Variants in TNRC6B observed in about 807,000 individuals in gnomAD.
TNRC6B encodes the protein trinucleotide repeat-containing gene 6B protein.
Under a neutral mutation model 203.6 loss-of-function variants are expected in TNRC6B, and 52 were observed. The observed-to-expected ratio is 0.26, with a 90% CI of 0.20 to 0.32. The LOEUF (loss-of-function observed/expected upper bound fraction) is 0.32, where lower values mean the gene tolerates loss of function less well. TNRC6B is among the 10% of genes least tolerant of loss of function. The pLI is 1.00. For missense variants in TNRC6B, 1,923 were observed against 2,286.2 expected, an observed-to-expected ratio of 0.84 and a Z score of 3.24; for synonymous variants, 838 against 845.7, an observed-to-expected ratio of 0.99 and a Z score of 0.16.
At chr22:40,066,728 G>T (rs60736392) in intron 1 of TNRC6B, among the ~76,000 whole-genome samples, 6,730 of 151,960 alleles carry the variant, frequency 0.044, 486 homozygotes, top group African/African-American at 0.15. Context: ...ATATTTGCTG[G>T]TATATATTAT....
chr22:40,233,064 C>T (rs184757206), intron 1 of TNRC6B, among the ~76,000 whole-genome samples: 1 of 152,136 alleles, frequency 6.6e-6, no homozygotes, highest in East Asian at 1.9e-4. Context: ...AGGAGAATCG[C>T]TTGCACCCAG....
At chr22:40,233,658 G>T (rs1017464670) in intron 1 of TNRC6B, among the ~76,000 whole-genome samples, 1 of 152,168 alleles carries the variant, frequency 6.6e-6, no homozygotes, top group African/African-American at 2.4e-5. Context: ...TTTGGTTTGA[G>T]TAATTCCAGA....
chr22:40,156,257 G>A (rs1399437660), intron 4 of TNRC6B: 31 of 1,399,712 alleles, frequency 2.2e-5, no homozygotes, highest in South Asian at 7.5e-5. Flanking sequence ...GCTGATAAGC[G>A]TGTTTGTCAG....
At chr22:40,184,611 T>C (rs2069177107) in intron 1 of TNRC6B, among the ~76,000 whole-genome samples, 1 of 152,208 alleles carries the variant, frequency 6.6e-6, no homozygotes, top group Non-Finnish European at 1.5e-5. Flanking sequence ...TTGTGGAAAC[T>C]GGCTGGGACA....
At chr22:40,110,712 AT>A (rs1324746349) in intron 1 of TNRC6B, among the ~76,000 whole-genome samples, 1 of 152,210 alleles carries the variant, frequency 6.6e-6, no homozygotes, top group Non-Finnish European at 1.5e-5. Context: ...TAAAAATCAG[AT>A]TAACATTCTT....
intron 3 of TNRC6B, among the ~76,000 whole-genome samples, chr22:40,151,536 TC>T (rs1664758929): frequency 1.9e-5 from 1 of 52,740 alleles, no homozygotes; most frequent in Non-Finnish European, 3.0e-5. Flanking sequence ...AGACTGCATC[TC>T]AAAAAAAAAA....
chr22:40,141,557 T>C (rs2068644862), intron 3 of TNRC6B, among the ~76,000 whole-genome samples: 1 of 151,990 alleles, frequency 6.6e-6, no homozygotes, highest in Non-Finnish European at 1.5e-5. Context: ...AGCCAATCCC[T>C]TTCCTCCTTC....
At chr22:40,182,602 G>A (rs1193372825) in intron 1 of TNRC6B, among the ~76,000 whole-genome samples, 2 of 152,158 alleles carry the variant, frequency 1.3e-5, no homozygotes, top group Non-Finnish European at 2.9e-5. Flanking sequence ...TAGGTGCTGG[G>A]GCATCTAAGA....
At chr22:40,062,782 TC>T (rs1569247449) in intron 1 of TNRC6B, among the ~76,000 whole-genome samples, 2 of 152,226 alleles carry the variant, frequency 1.3e-5, no homozygotes, top group Non-Finnish European at 2.9e-5. Flanking sequence ...TCTATTCAGA[TC>T]CTTTGCCCAT....
intron 1 of TNRC6B, among the ~76,000 whole-genome samples, chr22:40,203,044 A>C (rs973266289): frequency 6.6e-6 from 1 of 152,128 alleles, no homozygotes; most frequent in African/African-American, 2.4e-5. Context: ...TCAGCCTTGC[A>C]GGTTGCATTA....
At chr22:40,075,168 T>A (rs1362258322) in intron 1 of TNRC6B, among the ~76,000 whole-genome samples, 48 of 99,400 alleles carry the variant, frequency 4.8e-4, no homozygotes, top group African/African-American at 1.7e-3. Context: ...TTTTTTTTTT[T>A]TTTTTTTTTT....
intron 12 of TNRC6B, among the ~76,000 whole-genome samples, chr22:40,298,928 TG>T (rs912841489): frequency 2.0e-5 from 3 of 148,034 alleles, no homozygotes; most frequent in Non-Finnish European, 3.0e-5. Flanking sequence ...ATAGCGCCAC[TG>T]CACTCCAGCC....
At chr22:40,312,861 A>AC in intron 18 of TNRC6B, 41 bp from the exon 19 acceptor site, 1 of 1,564,722 alleles carries the variant, frequency 6.4e-7, no homozygotes, top group Middle Eastern at 1.7e-4. Context: ...TTATACTGAC[A>AC]TTTATCTTCA....
intron 1 of TNRC6B, among the ~76,000 whole-genome samples, chr22:40,114,934 T>C (rs2068373364): frequency 6.6e-6 from 1 of 152,222 alleles, no homozygotes; most frequent in Non-Finnish European, 1.5e-5. Flanking sequence ...GTTGATTTTA[T>C]AATTAATTTT....
At chr22:40,093,465 A>G (rs1349767253) in intron 1 of TNRC6B, among the ~76,000 whole-genome samples, 4 of 152,206 alleles carry the variant, frequency 2.6e-5, no homozygotes, top group African/African-American at 9.6e-5. Flanking sequence ...CAAGCAGGGT[A>G]AAGAAAGAGA....
Position 40,309,707 on chromosome 22 carries a change from T to C in TNRC6B, c.4258+1058T>C, listed in dbSNP as rs540720347. 4.6e-5 allele frequency among the ~76,000 whole-genome samples: 7 copies of C among 152,344 alleles called. No homozygotes were observed. The East Asian group carries it at 1.3e-3, about 29-fold the overall frequency. On this transcript the variant is annotated intron_variant, in intron 16 of 22. Coordinates refer to ENST00000454349, the MANE Select transcript of TNRC6B (RefSeq NM_001162501.2). ...AAATCTGAAATGGCATGTGAGAGGA[T>C]ATCTCAAAGGCAAAATCTCTACTTG... is the stretch of plus-strand genomic sequence containing the variant.
At chr22:40,067,785 A>T (rs2067908652) in intron 1 of TNRC6B, among the ~76,000 whole-genome samples, 1 of 152,084 alleles carries the variant, frequency 6.6e-6, no homozygotes, top group Non-Finnish European at 1.5e-5. Context: ...AGCCAATGGG[A>T]TAGTGCCTGC....
rs2071340976 is a variant in TNRC6B, at chr22:40,322,060, A to G, written c.5115-794A>G. 2.0e-5 allele frequency among the ~76,000 whole-genome samples: 3 copies of G among 152,226 alleles called. 1 individual carries two copies. The highest frequency in any genetic ancestry group is 1.5e-5 in the Non-Finnish European group (1 of 68,042). The stretch of plus-strand genomic sequence containing the variant: ...AAGCCAGGGATGAGGGGGCTCAGGC[A>G]GCGAGGAGCCCCTGAGAAAGAGCAG... On this transcript the variant is annotated intron_variant, in intron 22 of 22. Transcript: ENST00000454349.
intron 1 of TNRC6B, among the ~76,000 whole-genome samples, chr22:40,186,219 C>T (rs2069200605): frequency 1.3e-5 from 2 of 152,136 alleles, no homozygotes; most frequent in Admixed American, 1.3e-4. Flanking sequence ...GAAGGACAGT[C>T]ATTCCTCATC....
Sources: allele counts gnomAD v4.1 joint callset (sites outside exome capture counted in the v4.1 genomes callset), GRCh38; gene constraint gnomAD v4.1.1; transcripts MANE v1.5; gene names NCBI Gene and HGNC (gene_info 2026-07-23, HGNC 2026-07-21).